Variants in CCDC18 observed in about 807,000 individuals in gnomAD.
CCDC18 encodes the protein coiled-coil domain-containing protein 18.
Under a neutral mutation model 196.0 loss-of-function variants are expected in CCDC18, and 157 were observed. The ratio of observed to expected loss-of-function variants is 0.80; its 90% CI spans 0.70 to 0.91. The LOEUF is 0.91. Among genes scored for constraint, CCDC18 ranks in the 40% least tolerant of loss-of-function variants. CCDC18 has a pLI of 0.00. For synonymous variants in CCDC18, 482 were observed against 529.2 expected, an observed-to-expected ratio of 0.91 and a Z score of 1.22; for missense variants, 1,465 against 1,611.6, an observed-to-expected ratio of 0.91 and a Z score of 1.56.
At chr1:93,196,505 A>G (rs1652757995) in intron 6 of CCDC18, among the ~76,000 whole-genome samples, 1 of 152,208 alleles carries the variant, frequency 6.6e-6, no homozygotes, top group Admixed American at 6.5e-5. Context: ...TAAACCAGCA[A>G]GATATAAAGA....
At chr1:93,194,302 C>T (rs567832306) in intron 6 of CCDC18, among the ~76,000 whole-genome samples, 1 of 152,202 alleles carries the variant, frequency 6.6e-6, no homozygotes, top group South Asian at 2.1e-4. Flanking sequence ...TGCCAGTTCA[C>T]TTTTAAACTG....
rs1302678677 is a variant in CCDC18, at chr1:93,180,825, A to G, written c.-30A>G. 3 of 1,367,510 alleles carry G rather than the reference A, an allele frequency of 2.2e-6. No individual in the cohort carries two copies. Among genetic ancestry groups the G allele is most frequent in the Non-Finnish European group, 2.9e-6 (3 of 1,021,944 alleles). 84.7% of individuals were successfully genotyped at this position (1,367,510 alleles called of 1,614,324 possible). On this transcript the variant is annotated 5_prime_UTR_variant, in exon 1 of 29. Coordinates refer to ENST00000690025, the MANE Select transcript of CCDC18 (RefSeq NM_001378204.1). ...AAGGGTCAGAGGCTTCCTAACGCAGACTCGAGTGCGAAGCGCGCAGTCGCC... is the reference window on the plus strand; with the variant it reads ...AAGGGTCAGAGGCTTCCTAACGCAGGCTCGAGTGCGAAGCGCGCAGTCGCC...
rs908305361 is a variant in CCDC18, at chr1:93,212,003, T to C, written c.1335-98T>C. 4 of 1,060,642 alleles carry C rather than the reference T, an allele frequency of 3.8e-6. No homozygotes were observed. The African/African-American group carries it at 6.6e-5, about 17-fold the overall frequency. The allele number at this position is 1,060,642 out of a possible 1,614,324, so 65.7% of individuals were successfully genotyped here. ...AAAGAGTTGACTAATATTAGAATTC[T>C]AATTTTTTAAATCAACTTGAAAGGT... On this transcript the variant is annotated intron_variant, in intron 10 of 28. Transcript: ENST00000690025.
rs747973752 is a variant in CCDC18 at position 93,193,744 on chromosome 1, G to T, written c.698G>T (p.Arg233Ile). The T allele has an allele frequency of 6.5e-7, 1 of 1,545,536 alleles. No homozygotes were observed. The highest frequency in any genetic ancestry group is 8.7e-7 in the Non-Finnish European group (1 of 1,153,684). The change falls in exon 6 of 29, where the codon AGA (arginine) becomes ATA (isoleucine). Residue 233 changes from arginine to isoleucine, a missense_variant and splice_region_variant. Physicochemically the swap from Arg to Ile is moderately conservative, Grantham distance 97. Transcript: ENST00000690025. ...CTTGAACAAACCAAACAAGGAAAAA[G>T]GTATGTGTTTTTAAAGCAAATACAT... Reference protein sequence around the residue: ...DLLEQTKQGKRAERQRNEALY... With the variant: ...DLLEQTKQGKIAERQRNEALY...
chr1:93,221,564 A>C, intron 14 of CCDC18, 45 bp from the exon 15 acceptor site: 1 of 1,325,564 alleles, frequency 7.5e-7, no homozygotes, highest in Non-Finnish European at 1.0e-6. Context: ...AAAATGTTTC[A>C]AAATTTTAAA....
In CCDC18 at chr1:93,183,456, C is replaced by T; in HGVS notation, c.95C>T (p.Thr32Ile). The T allele has an allele frequency of 6.2e-7, 1 of 1,605,056 alleles. No homozygotes were observed. Among genetic ancestry groups the T allele is most frequent in the Non-Finnish European group, 8.5e-7 (1 of 1,175,474 alleles). Reference sequence around the variant, plus strand: ...TCCTTAAGACATGAACTGAAGATAACAGAATGGAGTTTGCAGAGTTTAGGG... The same window carrying T: ...TCCTTAAGACATGAACTGAAGATAATAGAATGGAGTTTGCAGAGTTTAGGG... Reference protein sequence around the residue: ...VASLRHELKITEWSLQSLGEE... With the variant: ...VASLRHELKIIEWSLQSLGEE... Residue 32 changes from threonine (T) to isoleucine (I), a missense_variant, in exon 2 of 29, where the codon ACA (threonine) becomes ATA (isoleucine). By Grantham distance (89) the Thr-to-Ile change is moderately conservative. Coordinates refer to ENST00000690025, the MANE Select transcript of CCDC18 (RefSeq NM_001378204.1).
rs552492388 is a variant in CCDC18, at chr1:93,255,073, C to T, written c.3342+459C>T. On this transcript the variant is annotated intron_variant, in intron 24 of 28. Transcript: ENST00000690025. ...GTTCCAGTGATTCTCCTGCCTCAGC[C>T]TCCCAAGTAGCTGGGATTACAGGCA... 2.0e-5 allele frequency among the ~76,000 whole-genome samples: 3 copies of T among 150,042 alleles called. No individual in the cohort carries two copies. In the East Asian group the frequency reaches 6.0e-4, roughly 30 times the overall value.
chr1:93,230,557 A>G (rs1226156483), intron 17 of CCDC18, among the ~76,000 whole-genome samples: 3 of 152,012 alleles, frequency 2.0e-5, no homozygotes, highest in Non-Finnish European at 4.4e-5. Flanking sequence ...TGTCAGTGTA[A>G]GTTTGATAGA....
Position 93,256,455 on chromosome 1 carries a change from C to G in CCDC18, c.3463C>G (p.Arg1155Gly). Reference protein sequence around the residue: ...QNSHTELAEARHQQVQAQREI... With the variant: ...QNSHTELAEAGHQQVQAQREI... ...CTCTCATACAGAATTGGCAGAGGCT[C>G]GTCATCAGCAAGTCCAAGCACAGAG... Residue 1155 changes from arginine to glycine, a missense_variant, in exon 25 of 29, where the codon CGT becomes GGT. Transcript: ENST00000690025. 6.2e-7 allele frequency: 1 copy of G among 1,613,974 alleles called. No individual in the cohort carries two copies. The highest frequency in any genetic ancestry group is 8.5e-7 in the Non-Finnish European group (1 of 1,179,950).
intron 17 of CCDC18, among the ~76,000 whole-genome samples, chr1:93,227,366 C>T (rs1341300930): frequency 6.6e-6 from 1 of 151,302 alleles, no homozygotes; most frequent in Non-Finnish European, 1.5e-5. Flanking sequence ...CGGGGTTTCA[C>T]CATGTTGCCC....
At chr1:93,274,190 G>A (rs1570672081) in intron 28 of CCDC18, among the ~76,000 whole-genome samples, 1 of 152,186 alleles carries the variant, frequency 6.6e-6, no homozygotes, top group East Asian at 1.9e-4. Flanking sequence ...GGATCACGAG[G>A]TCAGGAGTTC....
chr1:93,256,253 T>A, intron 24 of CCDC18, 82 bp from the exon 25 acceptor site: 2 of 1,252,368 alleles, frequency 1.6e-6, no homozygotes, highest in South Asian at 2.7e-5. Flanking sequence ...GGTGGAAATT[T>A]ACGTATTAAG....
Position 93,212,177 on chromosome 1 carries a change from CTT to C in CCDC18, c.1412_1413del (p.Leu471HisfsTer4). The part of the protein sequence containing the change: ...NLTANQLSQS[L>X]ITCNDSQESS... The stretch of plus-strand genomic sequence containing the variant: ...GACTGCAAATCAGTTATCTCAGAGT[CTT>C]ATTACTTGTAATGACAGCCAAGAAA... On this transcript the variant is annotated frameshift_variant, in exon 11 of 29. Transcript: ENST00000690025. LOFTEE classifies it high-confidence loss of function. 2 of 1,610,812 alleles carry C rather than the reference CTT, an allele frequency of 1.2e-6. No individual in the cohort carries two copies. Among genetic ancestry groups the C allele is most frequent in the Non-Finnish European group, 1.7e-6 (2 of 1,178,772 alleles).
At chr1:93,183,805 A>G (rs1650161032) in intron 2 of CCDC18, among the ~76,000 whole-genome samples, 173 bp from the exon 3 acceptor site, 1 of 152,022 alleles carries the variant, frequency 6.6e-6, no homozygotes, top group South Asian at 2.1e-4. Context: ...ACAGTTTGCT[A>G]GTTTAAAAGT....
intron 7 of CCDC18, among the ~76,000 whole-genome samples, chr1:93,202,394 G>T (rs1455117711): frequency 2.0e-5 from 3 of 152,134 alleles, no homozygotes; most frequent in Admixed American, 1.3e-4. Flanking sequence ...CTCTCGGAAG[G>T]TTCCTTGAAC....
At chr1:93,205,374 C>T in intron 7 of CCDC18, 136 bp from the exon 8 acceptor site, 1 of 678,992 alleles carries the variant, frequency 1.5e-6, no homozygotes. Flanking sequence ...CTTTTCACTA[C>T]AAGGCTGGGG....
At chr1:93,202,182 CT>C (rs1349336080) in intron 7 of CCDC18, among the ~76,000 whole-genome samples, 194 bp downstream of exon 7, 2 of 151,946 alleles carry the variant, frequency 1.3e-5, no homozygotes, top group Non-Finnish European at 2.9e-5. Context: ...TCAGGAGAAA[CT>C]TTTTTATCCA....
At chr1:93,222,834 A>T (rs1046582477) in intron 16 of CCDC18, among the ~76,000 whole-genome samples, 5 of 152,180 alleles carry the variant, frequency 3.3e-5, no homozygotes, top group African/African-American at 1.2e-4. Flanking sequence ...TTTAGTGTTA[A>T]ACGTAGGTCC....
chr1:93,212,191 T>C lies in CCDC18; in HGVS notation c.1425T>C (p.Asn475=), dbSNP rs776796868. Residue 475 remains asparagine, a synonymous_variant, in exon 11 of 29, where the codon AAT becomes AAC. Transcript: ENST00000690025. ...TATCTCAGAGTCTTATTACTTGTAA[T>C]GACAGCCAAGAAAGTAGCAAATTAA... ...NQLSQSLITC[N]DSQESSKLSS... is the part of the protein sequence containing the mutation. The C allele has an allele frequency of 1.9e-6, 3 of 1,610,730 alleles. No individual in the cohort carries two copies. Among genetic ancestry groups the C allele is most frequent in the Admixed American group, 3.4e-5 (2 of 59,390 alleles).
Sources: gnomAD v4.1 joint callset for allele counts (sites outside exome capture counted in the v4.1 genomes callset) on GRCh38, gnomAD v4.1.1 for gene constraint, MANE v1.5 for transcripts, NCBI Gene and HGNC (gene_info 2026-07-23, HGNC 2026-07-21) for gene names.